Variants in CFAP299 observed in about 807,000 individuals in gnomAD.
CFAP299 encodes cilia- and flagella-associated protein 299.
In CFAP299, 21 loss-of-function variants were observed where a neutral mutation model predicts 27.0. That is an observed-to-expected ratio of 0.78 (90% CI 0.55 to 1.12). CFAP299 has a LOEUF of 1.12. Among genes scored for constraint, CFAP299 ranks in the 50% most tolerant of loss-of-function variants. The pLI is 0.00. For synonymous variants in CFAP299, 104 were observed against 98.1 expected, an observed-to-expected ratio of 1.06 and a Z score of -0.36; for missense variants, 310 against 276.6, an observed-to-expected ratio of 1.12 and a Z score of -0.86.
chr4:80,780,373 C>T (rs1017041809), intron 3 of CFAP299, among the ~76,000 whole-genome samples: 1 of 152,212 alleles, frequency 6.6e-6, no homozygotes, highest in East Asian at 1.9e-4. Flanking sequence ...TTCTCAGAGT[C>T]CCATCTTCAC....
At chr4:80,608,860 C>CGTGT (rs1560653634) in intron 3 of CFAP299, among the ~76,000 whole-genome samples, 6 of 49,436 alleles carry the variant, frequency 1.2e-4, no homozygotes, top group African/African-American at 2.7e-4. Flanking sequence ...TTACACGATG[C>CGTGT]ATGTGTGTGT....
rs551779888 is a variant in CFAP299, at chr4:80,833,834, C to T, written c.334-36159C>T. Among the ~76,000 whole-genome samples, 100 of 152,214 alleles carry T rather than the reference C, an allele frequency of 6.6e-4. 1 individual carries two copies. The highest frequency in any genetic ancestry group is 2.3e-3 in the African/African-American group (94 of 41,528). On this transcript the variant is annotated intron_variant, in intron 3 of 5. Transcript: ENST00000358105. Reference sequence around the variant, plus strand: ...GGATCTCTTTAGCACTGACATTACTCCTACTGTGATACACAAGACAACTTC... The same window carrying T: ...GGATCTCTTTAGCACTGACATTACTTCTACTGTGATACACAAGACAACTTC...
chr4:80,377,150 A>G (rs1724455788), intron 2 of CFAP299, among the ~76,000 whole-genome samples: 1 of 151,996 alleles, frequency 6.6e-6, no homozygotes, highest in Non-Finnish European at 1.5e-5. Context: ...TTTAAGGTTC[A>G]TGTGTGTGTG....
intron 3 of CFAP299, among the ~76,000 whole-genome samples, chr4:80,606,866 A>C (rs1281944120): frequency 6.6e-6 from 1 of 152,072 alleles, no homozygotes; most frequent in Non-Finnish European, 1.5e-5. Context: ...TAAGATTTTT[A>C]TTTTTCTTTT....
intron 3 of CFAP299, among the ~76,000 whole-genome samples, chr4:80,647,944 C>T (rs1386302655): frequency 6.6e-6 from 1 of 152,126 alleles, no homozygotes; most frequent in African/African-American, 2.4e-5. Context: ...GCAGTTTCAG[C>T]TACCTGGGAG....
intron 5 of CFAP299, among the ~76,000 whole-genome samples, chr4:80,950,197 G>A (rs529632283): frequency 2.0e-5 from 3 of 152,036 alleles, no homozygotes; most frequent in South Asian, 4.2e-4. Flanking sequence ...TGCTGGATGA[G>A]TACAGGGCAC....
At chr4:80,891,805 AGC>A (rs1734308590) in intron 4 of CFAP299, among the ~76,000 whole-genome samples, 1 of 136,220 alleles carries the variant, frequency 7.3e-6, no homozygotes. Flanking sequence ...AAAAAATAAA[AGC>A]TTTGAGAAGC....
intron 2 of CFAP299, among the ~76,000 whole-genome samples, chr4:80,483,376 T>C (rs1011529318): frequency 1.3e-5 from 2 of 150,274 alleles, no homozygotes; most frequent in African/African-American, 5.0e-5. Flanking sequence ...ACACCAGATG[T>C]AATTTTATCA....
At chr4:80,644,270 G>A (rs1029692514) in intron 3 of CFAP299, among the ~76,000 whole-genome samples, 1 of 152,074 alleles carries the variant, frequency 6.6e-6, no homozygotes, top group Non-Finnish European at 1.5e-5. Context: ...AAGGATACAA[G>A]CTATTAGCAT....
chr4:80,946,773 C>T (rs1737499166), intron 5 of CFAP299, among the ~76,000 whole-genome samples: 1 of 152,130 alleles, frequency 6.6e-6, no homozygotes, highest in Admixed American at 6.5e-5. Context: ...CATACCTTCT[C>T]TCTAGTGGTT....
At chr4:80,899,465 A>T (rs148914089) in intron 4 of CFAP299, among the ~76,000 whole-genome samples, 252 of 152,314 alleles carry the variant, frequency 1.7e-3, no homozygotes, top group Non-Finnish European at 2.8e-3. Flanking sequence ...GAAGGAAGGT[A>T]CAGCAGCATA....
In CFAP299 at chr4:80,514,990, A is replaced by G. The variant is rs187743877; in HGVS notation, c.243-68103A>G. Among the ~76,000 whole-genome samples the G allele has an allele frequency of 1.6e-3, 248 of 152,274 alleles. 1 individual carries two copies. In the South Asian group the frequency reaches 0.017, roughly 10 times the overall value. Reference sequence around the variant, plus strand: ...CCTCAACCCACCCAGAACGGTGTCTATTCTAATAGAAAGAAACAAATTCCT... The same window carrying G: ...CCTCAACCCACCCAGAACGGTGTCTGTTCTAATAGAAAGAAACAAATTCCT... On this transcript the variant is annotated intron_variant, in intron 2 of 5. Transcript: ENST00000358105.
intron 4 of CFAP299, among the ~76,000 whole-genome samples, chr4:80,921,372 G>A (rs903838959): frequency 6.6e-6 from 1 of 152,048 alleles, no homozygotes; most frequent in African/African-American, 2.4e-5. Flanking sequence ...GAATTAGTGT[G>A]GGGAGAGAGG....
At chr4:80,663,678 G>A (rs545427815) in intron 3 of CFAP299, among the ~76,000 whole-genome samples, 24 of 152,126 alleles carry the variant, frequency 1.6e-4, no homozygotes, top group Non-Finnish European at 3.5e-4. Context: ...GCCAAATAGT[G>A]GTTCTGGTTC....
intron 2 of CFAP299, among the ~76,000 whole-genome samples, chr4:80,556,329 G>A (rs891435100): frequency 3.3e-5 from 5 of 151,918 alleles, no homozygotes; most frequent in African/African-American, 7.2e-5. Context: ...ACAAATTTTC[G>A]ATGACAAAAG....
upstream of CFAP299, among the ~76,000 whole-genome samples, chr4:80,331,448 G>C (rs13142729): frequency 7.0e-3 from 1,072 of 152,258 alleles, 8 homozygotes; most frequent in Non-Finnish European, 0.012. Flanking sequence ...GAAGAGTATA[G>C]GGAAACCAGA....
chr4:80,855,488 G>A (rs1489741204), intron 3 of CFAP299, among the ~76,000 whole-genome samples: 1 of 152,004 alleles, frequency 6.6e-6, no homozygotes, highest in East Asian at 1.9e-4. Flanking sequence ...CATGTGACAT[G>A]CTGGTGCGCT....
At chr4:80,673,733 C>T (rs1719183233) in intron 3 of CFAP299, among the ~76,000 whole-genome samples, 1 of 152,002 alleles carries the variant, frequency 6.6e-6, no homozygotes, top group African/African-American at 2.4e-5. Flanking sequence ...GGATAGGTAG[C>T]TCTTCTTGTT....
At chr4:80,723,407 G>A (rs1560717698) in intron 3 of CFAP299, among the ~76,000 whole-genome samples, 1 of 152,074 alleles carries the variant, frequency 6.6e-6, no homozygotes, top group African/African-American at 2.4e-5. Flanking sequence ...AATAATAAAT[G>A]AACTGCTGAT....
Sources: allele counts gnomAD v4.1 joint callset (sites outside exome capture counted in the v4.1 genomes callset), GRCh38; gene constraint gnomAD v4.1.1; transcripts MANE v1.5; gene names NCBI Gene and HGNC (gene_info 2026-07-23, HGNC 2026-07-21).